Variants in PTK2B observed in about 807,000 individuals in gnomAD.
The protein encoded by PTK2B is protein-tyrosine kinase 2-beta.
PTK2B carries 71 observed loss-of-function variants against 142.9 expected under a neutral mutation model. The ratio of observed to expected loss-of-function variants is 0.50; its 90% confidence interval spans 0.41 to 0.61. The LOEUF is 0.61. Ranked by LOEUF, PTK2B falls within the 20% of genes least tolerant of loss-of-function variation. The pLI is 0.00. For missense variants in PTK2B, 1,105 were observed against 1,320.4 expected, an observed-to-expected ratio of 0.84 and a Z score of 2.53; for synonymous variants, 519 against 503.4, an observed-to-expected ratio of 1.03 and a Z score of -0.42.
chr8:27,407,271 A>G (rs1808776064), intron 2 of PTK2B, among the ~76,000 whole-genome samples: 1 of 152,192 alleles, frequency 6.6e-6, no homozygotes. Flanking sequence ...AGAGCCTGCT[A>G]TCCAGGCCCT....
chr8:27,336,186 A>G (rs998124558), intron 1 of PTK2B, among the ~76,000 whole-genome samples: 5 of 152,230 alleles, frequency 3.3e-5, no homozygotes, highest in African/African-American at 1.2e-4. Flanking sequence ...CTGAAAGAAG[A>G]TATGTGTAAT....
At chr8:27,431,140 G>A (rs192064379) in intron 8 of PTK2B, 124 bp downstream of exon 8, 16 of 1,498,266 alleles carry the variant, frequency 1.1e-5, no homozygotes, top group African/African-American at 9.7e-5. Flanking sequence ...GCAGGACCTC[G>A]CTGACCTGCC....
At chr8:27,325,953 C>G (rs1293876835) in intron 1 of PTK2B, among the ~76,000 whole-genome samples, 1 of 152,096 alleles carries the variant, frequency 6.6e-6, no homozygotes, top group Non-Finnish European at 1.5e-5. Flanking sequence ...CATATTCAGA[C>G]AGGGGAGGCT....
chr8:27,355,963 C>T lies in PTK2B; in HGVS notation c.-38+30282C>T, dbSNP rs372008513. On this transcript the variant is annotated intron_variant, in intron 1 of 30. Coordinates refer to ENST00000346049, the MANE Select transcript of PTK2B (RefSeq NM_173176.3). ...GCTTGAACCCGGGAGGCAGAGGTAGCAGTGAGCCAAGATCATGCCATTGTA... is the reference window on the plus strand; with the variant it reads ...GCTTGAACCCGGGAGGCAGAGGTAGTAGTGAGCCAAGATCATGCCATTGTA... Among the ~76,000 whole-genome samples the T allele has an allele frequency of 1.1e-4, 16 of 150,636 alleles. No individual in the cohort carries two copies. The East Asian group carries it at 2.3e-3, about 22-fold the overall frequency.
At chr8:27,324,868 C>T (rs1034186672), upstream of PTK2B, among the ~76,000 whole-genome samples, 1 of 152,286 alleles carries the variant, frequency 6.6e-6, no homozygotes, top group South Asian at 2.1e-4. Context: ...TGCTAAGTGC[C>T]CTTGAGTGCC....
At chr8:27,310,934 C>T, upstream of PTK2B, 3 of 1,612,636 alleles carry the variant, frequency 1.9e-6, no homozygotes, top group Non-Finnish European at 2.5e-6. Flanking sequence ...GTGCAGGCGG[C>T]AGACACGCGA....
At chr8:27,326,585 C>G (rs868580090) in intron 1 of PTK2B, among the ~76,000 whole-genome samples, 4 of 152,176 alleles carry the variant, frequency 2.6e-5, no homozygotes, top group Admixed American at 2.6e-4. Flanking sequence ...TGCGCTGTGG[C>G]TGGGTCTGAG....
At chr8:27,360,950 A>G (rs1805665053) in intron 1 of PTK2B, among the ~76,000 whole-genome samples, 1 of 152,182 alleles carries the variant, frequency 6.6e-6, no homozygotes, top group Non-Finnish European at 1.5e-5. Flanking sequence ...GGAAAGAAAG[A>G]AACATAGGAT....
chr8:27,368,971 CA>C (rs1464889732), intron 1 of PTK2B, among the ~76,000 whole-genome samples: 4 of 152,196 alleles, frequency 2.6e-5, no homozygotes, highest in African/African-American at 9.7e-5. Flanking sequence ...TCTCTCACTC[CA>C]GCCCTTGTGA....
chr8:27,364,733 C>T (rs1395860219), intron 1 of PTK2B, among the ~76,000 whole-genome samples: 2 of 152,246 alleles, frequency 1.3e-5, no homozygotes, highest in African/African-American at 2.4e-5. Flanking sequence ...TCACTGACGT[C>T]CAATTGACGG....
intron 2 of PTK2B, among the ~76,000 whole-genome samples, chr8:27,419,647 CTT>C (rs1275676854): frequency 6.6e-6 from 1 of 152,236 alleles, no homozygotes; most frequent in Non-Finnish European, 1.5e-5. Flanking sequence ...TTCTCTGCCT[CTT>C]TGCATTTTCT....
chr8:27,409,675 T>G (rs1808938537), intron 2 of PTK2B, among the ~76,000 whole-genome samples: 1 of 152,164 alleles, frequency 6.6e-6, no homozygotes, highest in Non-Finnish European at 1.5e-5. Flanking sequence ...CCTGCATTGA[T>G]TTTGTCCTCA....
intron 3 of PTK2B, among the ~76,000 whole-genome samples, chr8:27,320,499 G>A (rs761279765): frequency 3.3e-5 from 5 of 152,098 alleles, no homozygotes; most frequent in Non-Finnish European, 4.4e-5. Flanking sequence ...CCGACTGACT[G>A]GCTATACATC....
intron 1 of PTK2B, among the ~76,000 whole-genome samples, chr8:27,376,974 T>C (rs1806710161): frequency 6.6e-6 from 1 of 152,140 alleles, no homozygotes; most frequent in Non-Finnish European, 1.5e-5. Context: ...AAACTTCTCT[T>C]GGGGTCTGGA....
At chr8:27,360,666 G>A (rs1427470406) in intron 1 of PTK2B, among the ~76,000 whole-genome samples, 1 of 152,190 alleles carries the variant, frequency 6.6e-6, no homozygotes, top group African/African-American at 2.4e-5. Context: ...CCTGGGGTAC[G>A]ATGCCCCAAT....
At chr8:27,354,748 T>C (rs548816264) in intron 1 of PTK2B, among the ~76,000 whole-genome samples, 1 of 152,324 alleles carries the variant, frequency 6.6e-6, no homozygotes, top group Non-Finnish European at 1.5e-5. Flanking sequence ...ATTGTTATTC[T>C]ATGAAGGTAA....
At chr8:27,412,203 T>C (rs369430262) in intron 2 of PTK2B, among the ~76,000 whole-genome samples, 21 of 152,310 alleles carry the variant, frequency 1.4e-4, no homozygotes, top group African/African-American at 4.8e-4. Flanking sequence ...GCCACATAAT[T>C]GGACTCAATC....
intron 1 of PTK2B, among the ~76,000 whole-genome samples, chr8:27,376,732 G>A (rs1806693483): frequency 6.6e-6 from 1 of 152,204 alleles, no homozygotes; most frequent in Non-Finnish European, 1.5e-5. Context: ...AAATGCCATA[G>A]AAATGTCAGG....
intron 1 of PTK2B, among the ~76,000 whole-genome samples, chr8:27,390,705 T>C (rs1239197920): frequency 6.6e-6 from 1 of 152,222 alleles, no homozygotes; most frequent in East Asian, 1.9e-4. Flanking sequence ...ATTATGTTTC[T>C]AATTCTCTCT....
Sources: allele counts gnomAD v4.1 joint callset (sites outside exome capture counted in the v4.1 genomes callset), GRCh38; gene constraint gnomAD v4.1.1; transcripts MANE v1.5; gene names NCBI Gene and HGNC (gene_info 2026-07-23, HGNC 2026-07-21).